FGD6: variants seen among roughly 807,000 people sequenced by gnomAD.
FGD6 encodes FYVE, RhoGEF and PH domain containing 6, also known as FYVE, RhoGEF and PH domain-containing protein 6.
A neutral mutation model predicts 149.4 loss-of-function variants in FGD6; 90 were observed. That is an observed-to-expected ratio of 0.60 (90% CI 0.51 to 0.72). The LOEUF (loss-of-function observed/expected upper bound fraction) is 0.72, where lower values mean the gene tolerates loss of function less well. Ranked by LOEUF, FGD6 falls within the 30% of genes least tolerant of loss-of-function variation. The pLI is 0.00. For synonymous variants in FGD6, 527 were observed against 584.0 expected, an observed-to-expected ratio of 0.90 and a Z score of 1.41; for missense variants, 1,437 against 1,684.8, an observed-to-expected ratio of 0.85 and a Z score of 2.57.
At chr12:95,137,831 T>A (rs1476723514) in intron 6 of FGD6, among the ~76,000 whole-genome samples, 153 bp from the exon 7 acceptor site, 1 of 152,198 alleles carries the variant, frequency 6.6e-6, no homozygotes, top group Non-Finnish European at 1.5e-5. Flanking sequence ...CCATTTCCAC[T>A]GCCACCATCC....
At chr12:95,119,411 C>T (rs572635687) in intron 8 of FGD6, among the ~76,000 whole-genome samples, 36 of 152,238 alleles carry the variant, frequency 2.4e-4, no homozygotes, top group African/African-American at 8.2e-4. Context: ...TTTATAAATG[C>T]TTGATTTGAC....
intron 12 of FGD6, 50 bp from the exon 13 acceptor site, chr12:95,107,087 CA>C (rs1192311201): frequency 7.4e-7 from 1 of 1,344,324 alleles, no homozygotes; most frequent in Non-Finnish European, 1.1e-6. Flanking sequence ...ACATTACTGC[CA>C]CAAAGATTTT....
At chr12:95,094,736 T>C (rs774663802) in intron 14 of FGD6, 42 bp from the exon 15 acceptor site, 12 of 1,437,390 alleles carry the variant, frequency 8.3e-6, no homozygotes, top group Non-Finnish European at 1.1e-5. Context: ...TGTCAGTTTT[T>C]GTTCTTTTCC....
chr12:95,148,082 T>G (rs1451851150), intron 5 of FGD6, among the ~76,000 whole-genome samples: 1 of 151,998 alleles, frequency 6.6e-6, no homozygotes, highest in Non-Finnish European at 1.5e-5. Flanking sequence ...AGTTCTCACA[T>G]GAAAGAAGCT....
Position 95,111,269 on chromosome 12 carries a change from C to T in FGD6, c.3133+2382G>A, listed in dbSNP as rs185447570. ...TTGCTGGGATTATAGGCATGAGCCA[C>T]CACGCCCGGCCACTGCTCACCATAT... On this transcript the variant is annotated intron_variant, in intron 9 of 20. Coordinates refer to ENST00000343958, the MANE Select transcript of FGD6 (RefSeq NM_018351.4). 3.8e-3 allele frequency among the ~76,000 whole-genome samples: 572 copies of T among 152,276 alleles called. 4 individuals carry two copies. Among genetic ancestry groups the T allele is most frequent in the Non-Finnish European group, 6.1e-3 (416 of 68,016 alleles).
At chr12:95,129,853 T>C (rs1389071428) in intron 8 of FGD6, among the ~76,000 whole-genome samples, 2 of 152,060 alleles carry the variant, frequency 1.3e-5, no homozygotes, top group Admixed American at 1.3e-4. Context: ...TTGTTTTTTT[T>C]TGTAGAGACA....
In FGD6 at chr12:95,084,745, A is replaced by T. The variant is rs77476672; in HGVS notation, c.4108-99T>A. 1.3e-3 allele frequency: 1,297 copies of T among 966,034 alleles called. 13 individuals are homozygous for T. In the African/African-American group the frequency reaches 0.019, roughly 14 times the overall value. The allele number at this position is 966,034 out of a possible 1,614,324, so 59.8% of individuals were successfully genotyped here. A position where few individuals can be genotyped will look rare whatever the true frequency, so the allele number is the denominator to read the frequency against. On this transcript the variant is annotated intron_variant, in intron 19 of 20. Coordinates refer to ENST00000343958, the MANE Select transcript of FGD6 (RefSeq NM_018351.4). ...ACATAGCTCTAATTTAATTTCAATT[A>T]TTCACATATAAGGTAATGATAATTC...
At chr12:95,204,784 G>A (rs1412741639) in intron 2 of FGD6, among the ~76,000 whole-genome samples, 1 of 152,140 alleles carries the variant, frequency 6.6e-6, no homozygotes, top group African/African-American at 2.4e-5. Flanking sequence ...GAGTGGAGGG[G>A]AAGACAGGGC....
chr12:95,174,599 ATAGT>A (rs942215361), intron 2 of FGD6, among the ~76,000 whole-genome samples: 13 of 152,114 alleles, frequency 8.5e-5, no homozygotes, highest in African/African-American at 2.4e-4. Context: ...ATAGATTCAG[ATAGT>A]TAGTAATAGG....
chr12:95,158,163 C>CTT (rs11294901), intron 3 of FGD6, among the ~76,000 whole-genome samples: 6 of 81,468 alleles, frequency 7.4e-5, no homozygotes, highest in Non-Finnish European at 1.1e-4. Flanking sequence ...CATTCACTCA[C>CTT]TTTTTTTTTT....
intron 8 of FGD6, among the ~76,000 whole-genome samples, chr12:95,118,146 T>A (rs978389431): frequency 1.3e-5 from 2 of 151,258 alleles, no homozygotes; most frequent in African/African-American, 4.9e-5. Flanking sequence ...AGGTCAGGAG[T>A]TTGAGACTAG....
At chr12:95,198,450 GTTT>G in intron 2 of FGD6, among the ~76,000 whole-genome samples, 1 of 151,898 alleles carries the variant, frequency 6.6e-6, no homozygotes, top group East Asian at 1.9e-4. Flanking sequence ...TTTTTTTTCT[GTTT>G]TTTGAGACAA....
chr12:95,100,563 C>T (rs1360773407), intron 14 of FGD6: 2 of 312,064 alleles, frequency 6.4e-6, no homozygotes, highest in Admixed American at 4.2e-5. Flanking sequence ...GCACTGTTGG[C>T]TGTATCTGTT....
intron 2 of FGD6, among the ~76,000 whole-genome samples, chr12:95,174,941 A>T (rs1881091497): frequency 6.7e-6 from 1 of 150,040 alleles, no homozygotes. Context: ...AAAAAAAAAA[A>T]AAAAAAGAAA....
chr12:95,125,194 G>A (rs1030702564), intron 8 of FGD6, among the ~76,000 whole-genome samples: 10 of 152,130 alleles, frequency 6.6e-5, no homozygotes, highest in Non-Finnish European at 1.3e-4. Context: ...CTGTTCTACA[G>A]AGAAACTAAG....
chr12:95,201,955 T>TACAC lies in FGD6; in HGVS notation c.2441+6884_2441+6887dup, dbSNP rs71078621. 8.3e-3 allele frequency among the ~76,000 whole-genome samples: 1,213 copies of TACAC among 146,536 alleles called. 9 individuals carry two copies. Among genetic ancestry groups the TACAC allele is most frequent in the Middle Eastern group, 0.017 (5 of 292 alleles). On this transcript the variant is annotated intron_variant, in intron 2 of 20. Transcript: ENST00000343958. ...AAATGTTTTACTAAGCAGGACAGAA[T>TACAC]ACACACACACACACACACACACACA...
At chr12:95,172,374 T>A (rs2136283541) in intron 3 of FGD6, among the ~76,000 whole-genome samples, 1 of 152,320 alleles carries the variant, frequency 6.6e-6, no homozygotes, top group Non-Finnish European at 1.5e-5. Flanking sequence ...AGACTCTGTC[T>A]CAAAATAATA....
chr12:95,210,474 A>C lies in FGD6; in HGVS notation c.810T>G (p.Ser270=), dbSNP rs2056719814. The part of the protein sequence containing the change: ...SEKSNNCFQS[S]ELEALENGKR... ...TCCCATTTTCCAGAGCCTCTAGTTC[A>C]GATGACTGAAAGCAATTATTGCTTT... The change falls in exon 2 of 21, where the codon TCT becomes TCG. Residue 270 remains serine (S), a synonymous_variant. Transcript: ENST00000343958. The C allele has an allele frequency of 6.2e-7, 1 of 1,614,064 alleles. No individual in the cohort carries two copies. Among genetic ancestry groups the C allele is most frequent in the East Asian group, 2.2e-5 (1 of 44,886 alleles).
intron 8 of FGD6, among the ~76,000 whole-genome samples, chr12:95,121,298 G>A (rs190355210): frequency 6.2e-4 from 94 of 151,350 alleles, no homozygotes; most frequent in African/African-American, 2.1e-3. Flanking sequence ...AAAATTAGCC[G>A]GGCATGGCGG....
Sources: allele counts gnomAD v4.1 joint callset (sites outside exome capture counted in the v4.1 genomes callset), GRCh38; gene constraint gnomAD v4.1.1; transcripts MANE v1.5; gene names NCBI Gene and HGNC (gene_info 2026-07-23, HGNC 2026-07-21).